PIP5K1B: variants seen among roughly 807,000 people sequenced by gnomAD.
The protein encoded by PIP5K1B is phosphatidylinositol 4-phosphate 5-kinase type-1 beta.
In PIP5K1B, 42 loss-of-function variants were observed where a neutral mutation model predicts 67.0. That is an observed-to-expected ratio of 0.63 (90% CI 0.49 to 0.81). The LOEUF is 0.81. Ranked by LOEUF, PIP5K1B falls within the 30% of genes least tolerant of loss-of-function variation. PIP5K1B has a pLI of 0.00. For missense variants in PIP5K1B, 459 were observed against 646.3 expected, an observed-to-expected ratio of 0.71 and a Z score of 3.14; for synonymous variants, 214 against 231.4, an observed-to-expected ratio of 0.92 and a Z score of 0.68.
At chr9:69,003,030 G>A (rs1021549125) in intron 15 of PIP5K1B, among the ~76,000 whole-genome samples, 10 of 151,978 alleles carry the variant, frequency 6.6e-5, no homozygotes, top group South Asian at 2.1e-4. Flanking sequence ...GAAAGAAATC[G>A]GGTGAACCCA....
At chr9:68,848,518 A>T (rs1354807676) in intron 4 of PIP5K1B, among the ~76,000 whole-genome samples, 1 of 152,184 alleles carries the variant, frequency 6.6e-6, no homozygotes. Context: ...CTTATTTGTT[A>T]TTGCAAAAGT....
intron 2 of PIP5K1B, among the ~76,000 whole-genome samples, chr9:68,748,848 G>A (rs569494769): frequency 1.3e-5 from 2 of 152,212 alleles, no homozygotes; most frequent in African/African-American, 4.8e-5. Flanking sequence ...CCGACCTCAG[G>A]TGATCCGCCC....
At chr9:68,817,517 T>C (rs1360822159) in intron 2 of PIP5K1B, among the ~76,000 whole-genome samples, 2 of 152,188 alleles carry the variant, frequency 1.3e-5, no homozygotes, top group Non-Finnish European at 2.9e-5. Flanking sequence ...GGTTAAACAA[T>C]GGTATGTCCA....
chr9:68,772,865 C>T (rs568782401), intron 2 of PIP5K1B, among the ~76,000 whole-genome samples: 18 of 152,216 alleles, frequency 1.2e-4, no homozygotes, highest in Non-Finnish European at 2.1e-4. Flanking sequence ...GATCATTTTG[C>T]GATCACAGCA....
At chr9:68,882,543 A>C (rs1331902680) in intron 6 of PIP5K1B, among the ~76,000 whole-genome samples, 1 of 152,168 alleles carries the variant, frequency 6.6e-6, no homozygotes, top group African/African-American at 2.4e-5. Context: ...TGCTTATAGA[A>C]GAATTGGAGA....
intron 2 of PIP5K1B, among the ~76,000 whole-genome samples, chr9:68,813,951 A>T (rs1833297811): frequency 6.6e-6 from 1 of 152,226 alleles, no homozygotes; most frequent in African/African-American, 2.4e-5. Flanking sequence ...AGACTGTCGT[A>T]CTTTGTAGCG....
intron 2 of PIP5K1B, among the ~76,000 whole-genome samples, chr9:68,812,280 C>T (rs551511949): frequency 1.1e-4 from 16 of 152,194 alleles, no homozygotes; most frequent in Admixed American, 2.6e-4. Context: ...TTTCACACAT[C>T]GTAGTTGCTC....
At chr9:68,780,114 G>A in intron 2 of PIP5K1B, 1 of 1,481,524 alleles carries the variant, frequency 6.7e-7, no homozygotes, top group African/African-American at 1.4e-5. Flanking sequence ...TGCGGGGAAT[G>A]GGAATCCTAG....
chr9:68,876,305 TA>T (rs1021233589), intron 5 of PIP5K1B, among the ~76,000 whole-genome samples: 1 of 152,274 alleles, frequency 6.6e-6, no homozygotes, highest in South Asian at 2.1e-4. Context: ...AATTCGTGGT[TA>T]AAAAAATGCA....
At chr9:69,002,425 A>G (rs1301844728) in intron 15 of PIP5K1B, among the ~76,000 whole-genome samples, 2 of 152,160 alleles carry the variant, frequency 1.3e-5, no homozygotes, top group African/African-American at 2.4e-5. Flanking sequence ...TCACACTGCT[A>G]TGTCCTGATT....
At chr9:69,000,286 A>G (rs1288578196) in intron 15 of PIP5K1B, among the ~76,000 whole-genome samples, 1 of 152,186 alleles carries the variant, frequency 6.6e-6, no homozygotes, top group African/African-American at 2.4e-5. Flanking sequence ...GCCTACAGCC[A>G]TGGAACTCCC....
chr9:68,887,979 C>CTTTTT (rs71353088), intron 6 of PIP5K1B, among the ~76,000 whole-genome samples: 1 of 107,174 alleles, frequency 9.3e-6, no homozygotes. Context: ...GGAATCCAGC[C>CTTTTT]TTTTTTTTTT....
chr9:68,899,021 T>A (rs1825231105), intron 8 of PIP5K1B, among the ~76,000 whole-genome samples: 1 of 152,212 alleles, frequency 6.6e-6, no homozygotes, highest in South Asian at 2.1e-4. Context: ...TCCTTCCTGA[T>A]CTGGTCCCTG....
intron 7 of PIP5K1B, among the ~76,000 whole-genome samples, chr9:68,892,568 A>G (rs1824850249): frequency 6.6e-6 from 1 of 152,222 alleles, no homozygotes; most frequent in Non-Finnish European, 1.5e-5. Context: ...AAAAAATTAA[A>G]TTCTCTATTT....
intron 2 of PIP5K1B, chr9:68,789,684 T>A (rs539736571): frequency 3.5e-6 from 1 of 281,754 alleles, no homozygotes; most frequent in East Asian, 1.1e-4. Flanking sequence ...AGACTGTGAT[T>A]GTCAGGTGAG....
chr9:68,955,559 T>C (rs943079870), intron 14 of PIP5K1B, among the ~76,000 whole-genome samples: 1 of 152,200 alleles, frequency 6.6e-6, no homozygotes, highest in Non-Finnish European at 1.5e-5. Flanking sequence ...CTCAGTGCGA[T>C]CTCTGGAAAA....
At chr9:68,819,264 C>T (rs958613358) in intron 3 of PIP5K1B, among the ~76,000 whole-genome samples, 1 of 152,090 alleles carries the variant, frequency 6.6e-6, no homozygotes, top group Non-Finnish European at 1.5e-5. Context: ...TCTAAAATGA[C>T]ACAGTATTTG....
At chr9:69,000,773 C>A (rs1421726857) in intron 15 of PIP5K1B, among the ~76,000 whole-genome samples, 4 of 152,118 alleles carry the variant, frequency 2.6e-5, no homozygotes, top group African/African-American at 9.7e-5. Context: ...ACAGTTAGGA[C>A]TTTTAACATA....
intron 8 of PIP5K1B, among the ~76,000 whole-genome samples, chr9:68,914,386 T>C (rs993481447): frequency 3.0e-4 from 45 of 152,144 alleles, no homozygotes; most frequent in African/African-American, 1.1e-3. Flanking sequence ...GAGGATGCTT[T>C]GGGCTGTGCA....
Sources: allele counts gnomAD v4.1 joint callset (sites outside exome capture counted in the v4.1 genomes callset), GRCh38; gene constraint gnomAD v4.1.1; transcripts MANE v1.5; gene names NCBI Gene and HGNC (gene_info 2026-07-23, HGNC 2026-07-21).